The following DCLK1 variants were observed in gnomAD, a reference collection of about 807,000 sequenced individuals.
DCLK1 encodes the protein doublecortin like kinase 1, also known as serine/threonine-protein kinase DCLK1.
A neutral mutation model predicts 86.2 loss-of-function variants in DCLK1; 16 were observed. The ratio of observed to expected loss-of-function variants is 0.19; its 90% confidence interval spans 0.13 to 0.28. The LOEUF (loss-of-function observed/expected upper bound fraction) is 0.28. DCLK1 is among the 10% of genes least tolerant of loss of function. The pLI, the probability that DCLK1 is intolerant of heterozygous loss-of-function variation, is 1.00. For missense variants in DCLK1, 590 were observed against 940.2 expected, an observed-to-expected ratio of 0.63 and a Z score of 4.87; for synonymous variants, 369 against 370.5, an observed-to-expected ratio of 1.00 and a Z score of 0.05.
intron 4 of DCLK1, among the ~76,000 whole-genome samples, chr13:35,874,369 G>C (rs17053043): frequency 0.013 from 2,023 of 152,286 alleles, 40 homozygotes; most frequent in African/African-American, 0.046. Context: ...ATAAGTCATG[G>C]AGGAGAGTGT....
Position 35,836,153 on chromosome 13 carries a change from A to G in DCLK1, c.1121-12T>C, listed in dbSNP as rs372796040. 135 of 1,596,322 alleles carry G rather than the reference A, an allele frequency of 8.5e-5. 1 individual carries two copies. The highest frequency in any genetic ancestry group is 1.0e-4 in the Non-Finnish European group (122 of 1,169,930). ...TTCCTCCGACACTTCTGAAAGAATCATTAATACTTTTTTATTGGTTGAAAA... is the reference window on the plus strand; with the variant it reads ...TTCCTCCGACACTTCTGAAAGAATCGTTAATACTTTTTTATTGGTTGAAAA... On this transcript the variant is annotated splice_polypyrimidine_tract_variant and intron_variant, in intron 7 of 16. Transcript: ENST00000360631.
At chr13:35,793,584 G>A in intron 15 of DCLK1, 105 bp from the exon 16 acceptor site, 1 of 862,306 alleles carries the variant, frequency 1.2e-6, no homozygotes, top group Non-Finnish European at 1.8e-6. Context: ...GAATTCATAA[G>A]ATGTCAGAAA....
intron 3 of DCLK1, among the ~76,000 whole-genome samples, chr13:36,098,181 A>G (rs1389341355): frequency 1.3e-5 from 2 of 152,224 alleles, no homozygotes; most frequent in South Asian, 2.1e-4. Flanking sequence ...ATTCTTTTCT[A>G]CAAAGCCTCA....
chr13:36,006,313 G>A (rs1324147601), intron 3 of DCLK1, among the ~76,000 whole-genome samples: 2 of 152,184 alleles, frequency 1.3e-5, no homozygotes, highest in African/African-American at 4.8e-5. Context: ...AAACCAGCGG[G>A]CAGACAGACA....
intron 4 of DCLK1, among the ~76,000 whole-genome samples, chr13:35,873,567 G>A (rs1872422432): frequency 6.6e-6 from 1 of 151,692 alleles, no homozygotes; most frequent in Non-Finnish European, 1.5e-5. Context: ...TGTATTTTTA[G>A]TAGAGGTGGG....
intron 3 of DCLK1, among the ~76,000 whole-genome samples, chr13:35,989,831 C>G (rs557998695): frequency 6.6e-6 from 1 of 151,738 alleles, no homozygotes; most frequent in East Asian, 1.9e-4. Context: ...GGATTACAGG[C>G]ATAAGCCACC....
At chr13:35,967,851 AG>A (rs1878859591) in intron 3 of DCLK1, among the ~76,000 whole-genome samples, 2 of 151,966 alleles carry the variant, frequency 1.3e-5, no homozygotes, top group South Asian at 4.2e-4. Context: ...TAAAAAAAAA[AG>A]TAAAAAATAA....
intron 3 of DCLK1, among the ~76,000 whole-genome samples, chr13:36,002,732 C>G (rs748507774): frequency 3.3e-5 from 5 of 152,148 alleles, no homozygotes; most frequent in African/African-American, 4.8e-5. Flanking sequence ...CATACATGTT[C>G]TTTTAGGTTG....
chr13:35,782,753 C>G (rs1011954918), intron 16 of DCLK1, among the ~76,000 whole-genome samples: 17 of 152,222 alleles, frequency 1.1e-4, no homozygotes, highest in African/African-American at 3.1e-4. Flanking sequence ...TAGTTTTTAA[C>G]AAGCCCTAAT....
intron 16 of DCLK1, among the ~76,000 whole-genome samples, chr13:35,784,058 T>C (rs1279970217): frequency 2.6e-5 from 4 of 152,188 alleles, no homozygotes; most frequent in African/African-American, 9.6e-5. Context: ...GCCTCTATCC[T>C]CTCAATGAAC....
Position 35,822,792 on chromosome 13 carries a change from G to C in DCLK1, c.1491C>G (p.Ser497Arg). Residue 497 changes from serine (S) to arginine (R), a missense_variant, in exon 11 of 17, where the codon AGC (serine) becomes AGG (arginine). Physicochemically the swap from Ser to Arg is moderately radical, Grantham distance 110. Coordinates refer to ENST00000360631, the MANE Select transcript of DCLK1 (RefSeq NM_001330071.2). ...TCAGGCTATGCAGGTATTTGATGGC[G>C]CTGGCTAGGTTGTACAGCATCCCAC... ...DASGMLYNLASAIKYLHSLNI... is the reference protein window; with the variant it reads ...DASGMLYNLARAIKYLHSLNI... 1 of 1,613,882 alleles carries C rather than the reference G, an allele frequency of 6.2e-7. No homozygotes were observed. The highest frequency in any genetic ancestry group is 8.5e-7 in the Non-Finnish European group (1 of 1,179,986).
intron 11 of DCLK1, among the ~76,000 whole-genome samples, chr13:35,816,106 G>A (rs1304631283): frequency 4.6e-5 from 7 of 152,104 alleles, no homozygotes; most frequent in South Asian, 4.1e-4. Flanking sequence ...TGCACATTCC[G>A]GATTCTGTTA....
At chr13:35,814,188 G>C (rs529464468) in intron 11 of DCLK1, among the ~76,000 whole-genome samples, 1 of 152,198 alleles carries the variant, frequency 6.6e-6, no homozygotes, top group African/African-American at 2.4e-5. Context: ...CATGACTGAG[G>C]CCATGTGAAA....
chr13:36,129,544 A>T (rs73529449), intron 1 of DCLK1, among the ~76,000 whole-genome samples: 1,873 of 152,354 alleles, frequency 0.012, 45 homozygotes, highest in African/African-American at 0.042. Context: ...GCTGGTAATT[A>T]TTCGTGGCAA....
Position 36,120,992 on chromosome 13 carries a change from C to T in DCLK1, c.376+4770G>A, listed in dbSNP as rs570235422. Among the ~76,000 whole-genome samples, 25 of 152,214 alleles carry T rather than the reference C, an allele frequency of 1.6e-4. No individual in the cohort carries two copies. The South Asian group carries it at 5.2e-3, about 32-fold the overall frequency. ...ACTTTAATGCTTGTACCTCTCTACCCAACAATATTACTTCTAGGAATTTAT... is the reference window on the plus strand; with the variant it reads ...ACTTTAATGCTTGTACCTCTCTACCTAACAATATTACTTCTAGGAATTTAT... On this transcript the variant is annotated intron_variant, in intron 2 of 16. Coordinates refer to ENST00000360631, the MANE Select transcript of DCLK1 (RefSeq NM_001330071.2).
chr13:35,992,437 A>G (rs1593798965), intron 3 of DCLK1, among the ~76,000 whole-genome samples: 1 of 138,926 alleles, frequency 7.2e-6, no homozygotes. Context: ...CCTTCAAAAG[A>G]AAGTGCTTTT....
At chr13:35,892,588 G>T (rs542521963) in intron 4 of DCLK1, among the ~76,000 whole-genome samples, 1 of 152,320 alleles carries the variant, frequency 6.6e-6, no homozygotes, top group East Asian at 1.9e-4. Flanking sequence ...AAAGTGATCA[G>T]ATAATTAAAC....
chr13:35,849,957 C>G (rs973675422), intron 6 of DCLK1: 2 of 959,064 alleles, frequency 2.1e-6, no homozygotes, highest in African/African-American at 3.5e-5. Flanking sequence ...ATAGCAATGC[C>G]ATTGGCCAAG....
chr13:35,923,603 C>T (rs1875933592), intron 4 of DCLK1, among the ~76,000 whole-genome samples: 2 of 152,002 alleles, frequency 1.3e-5, no homozygotes. Context: ...GCTGGCTCAG[C>T]CCCTGATTCA....
Sources: gnomAD v4.1 joint callset for allele counts (sites outside exome capture counted in the v4.1 genomes callset) on GRCh38, gnomAD v4.1.1 for gene constraint, MANE v1.5 for transcripts, NCBI Gene and HGNC (gene_info 2026-07-23, HGNC 2026-07-21) for gene names.